Variants in TRERF1 observed in about 807,000 individuals in gnomAD.
TRERF1 encodes the protein transcriptional regulating factor 1, also known as transcriptional-regulating factor 1.
In TRERF1, 27 loss-of-function variants were observed where a neutral mutation model predicts 122.9. The observed-to-expected ratio is 0.22, with a 90% CI of 0.16 to 0.30. The LOEUF (loss-of-function observed/expected upper bound fraction) is 0.30, where lower values mean the gene tolerates loss of function less well. Among genes scored for constraint, TRERF1 ranks in the 10% least tolerant of loss-of-function variants. The pLI, the probability that TRERF1 is intolerant of heterozygous loss-of-function variation, is 1.00. For missense variants in TRERF1, 1,248 were observed against 1,560.3 expected (o/e 0.80, Z 3.37); for synonymous variants, 636 against 641.7 (o/e 0.99, Z 0.13).
rs754935786 is a variant in TRERF1, at chr6:42,264,836, C to G, written c.1503G>C (p.Ala501=). The stretch of plus-strand genomic sequence containing the variant: ...TCTTGGCATCAAACTGCTCCCCAAA[C>G]GCTCCTTTGGGTTGGCCACTGCTCA... Residue 501 remains alanine, a synonymous_variant, in exon 7 of 18, where the codon GCG becomes GCC. Coordinates refer to ENST00000372922, the Ensembl canonical transcript of TRERF1. 3.1e-6 allele frequency: 5 copies of G among 1,614,172 alleles called. No homozygotes were observed. In the East Asian group the frequency reaches 1.1e-4, roughly 36 times the overall value.
At chr6:42,380,659 G>T (rs186973802) in intron 2 of TRERF1, among the ~76,000 whole-genome samples, 2 of 152,120 alleles carry the variant, frequency 1.3e-5, no homozygotes, top group African/African-American at 2.4e-5. Flanking sequence ...ATTCCCCACC[G>T]CCTGCCCCAC....
At chr6:42,408,210 A>AATAAATATATATATAT (rs151035028) in intron 2 of TRERF1, among the ~76,000 whole-genome samples, 4 of 107,136 alleles carry the variant, frequency 3.7e-5, no homozygotes, top group Non-Finnish European at 1.8e-5. Flanking sequence ...TATATAAATA[A>AATAAATATATATATAT]ATATATATAT....
At chr6:42,292,494 T>C (rs1293315804) in intron 4 of TRERF1, among the ~76,000 whole-genome samples, 1 of 152,218 alleles carries the variant, frequency 6.6e-6, no homozygotes, top group African/African-American at 2.4e-5. Context: ...TCAGTAGAAT[T>C]GTTCACTGAC....
In TRERF1 at chr6:42,425,583, G is replaced by A. The variant is rs150041576; in HGVS notation, c.-454+25594C>T. Among the ~76,000 whole-genome samples, 524 of 107,826 alleles carry A rather than the reference G, an allele frequency of 4.9e-3. 2 individuals carry two copies. Among genetic ancestry groups the A allele is most frequent in the African/African-American group, 0.016 (448 of 27,736 alleles). The allele number at this position is 107,826 out of a possible 152,430, so 70.7% of individuals were successfully genotyped here. ...TTTTGAGATGGAGTCTCGCACTGTC[G>A]TCAGGGCTGGAATGCAATGGTGCGA... On this transcript the variant is annotated intron_variant, in intron 2 of 17. Coordinates refer to ENST00000372922, the Ensembl canonical transcript of TRERF1.
At chr6:42,364,741 C>A (rs1242935011) in intron 2 of TRERF1, among the ~76,000 whole-genome samples, 4 of 152,206 alleles carry the variant, frequency 2.6e-5, no homozygotes, top group Non-Finnish European at 5.9e-5. Context: ...CAGGCATAAG[C>A]CCCCACCAGT....
chr6:42,298,004 TGA>T (rs1414291101), intron 4 of TRERF1, among the ~76,000 whole-genome samples: 12 of 151,720 alleles, frequency 7.9e-5, no homozygotes, highest in Admixed American at 7.2e-4. Context: ...GAGCAAGAAA[TGA>T]GAGACCAGAA....
At position 42,259,098 on chromosome 6, in the gene TRERF1, G is replaced by C. The variant is rs1777308086; in HGVS notation, c.2269+241C>G. On this transcript the variant is annotated intron_variant, in intron 9 of 17. Coordinates refer to ENST00000372922, the Ensembl canonical transcript of TRERF1. This position sits in a 1 kb window ranked among gnomAD's most constrained non-coding sequence, Gnocchi z 4.9. ...TAAAAAGTGGGTGAACATTTCAACT[G>C]TTTCCTTATCCCAGAGACTGTAGTG... Among the ~76,000 whole-genome samples, 1 of 152,090 alleles carries C rather than the reference G, an allele frequency of 6.6e-6. No individual in the cohort carries two copies. Among genetic ancestry groups the C allele is most frequent in the African/African-American group, 2.4e-5 (1 of 41,400 alleles).
At chr6:42,354,581 T>G (rs1192227857) in intron 3 of TRERF1, among the ~76,000 whole-genome samples, 2 of 152,180 alleles carry the variant, frequency 1.3e-5, no homozygotes, top group Non-Finnish European at 2.9e-5. Context: ...CCCAAATTGT[T>G]AATGAGGCAT....
chr6:42,241,934 A>C (rs1773813694), intron 15 of TRERF1, among the ~76,000 whole-genome samples: 1 of 152,208 alleles, frequency 6.6e-6, no homozygotes, highest in Non-Finnish European at 1.5e-5. Flanking sequence ...GTCTCTACAA[A>C]AAATTAAAAT....
rs1017518533 is a variant in TRERF1, at chr6:42,290,209, C to T, written c.-259+10429G>A. Among the ~76,000 whole-genome samples, 7 of 152,222 alleles carry T rather than the reference C, an allele frequency of 4.6e-5. No homozygotes were observed. In the East Asian group the frequency reaches 1.3e-3, roughly 29 times the overall value. ...CACCGCTTCAAACTGTTTCTTTTGT[C>T]TCCTCCATCAAACTAGGACTGCTTC... On this transcript the variant is annotated intron_variant, in intron 4 of 17. Coordinates refer to ENST00000372922, the Ensembl canonical transcript of TRERF1.
chr6:42,362,558 G>A (rs955524075), intron 3 of TRERF1, among the ~76,000 whole-genome samples: 33 of 152,336 alleles, frequency 2.2e-4, no homozygotes, highest in African/African-American at 6.5e-4. Flanking sequence ...GGATCATGAG[G>A]CCAGACCTGA....
chr6:42,382,493 A>G (rs1372548704), intron 2 of TRERF1, among the ~76,000 whole-genome samples: 1 of 151,198 alleles, frequency 6.6e-6, no homozygotes, highest in African/African-American at 2.4e-5. Context: ...ACCTCTCACA[A>G]TCTGAAAAGT....
chr6:42,254,148 A>T lies in TRERF1; in HGVS notation c.2656+703T>A, dbSNP rs144493750. ...TCTTCTACTTCCCTCTTATTGTGGTATTGTCATTAATTCACATACAAAACC... is the reference window on the plus strand; with the variant it reads ...TCTTCTACTTCCCTCTTATTGTGGTTTTGTCATTAATTCACATACAAAACC... On this transcript the variant is annotated intron_variant, in intron 13 of 17. Transcript: ENST00000372922. Among the ~76,000 whole-genome samples, 803 of 152,226 alleles carry T rather than the reference A, an allele frequency of 5.3e-3. 9 individuals are homozygous for T. The highest frequency in any genetic ancestry group is 0.019 in the African/African-American group (771 of 41,530).
chr6:42,403,772 G>A (rs1779758240), intron 2 of TRERF1, among the ~76,000 whole-genome samples: 1 of 152,162 alleles, frequency 6.6e-6, no homozygotes, highest in Admixed American at 6.5e-5. Flanking sequence ...ACATTCCAGA[G>A]CGCATTTTGT....
chr6:42,385,027 G>A (rs780677843), intron 2 of TRERF1, among the ~76,000 whole-genome samples: 5 of 152,076 alleles, frequency 3.3e-5, no homozygotes, highest in Non-Finnish European at 5.9e-5. Context: ...GCCCAGGCTG[G>A]AGTGCAGTGG....
intron 12 of TRERF1, 76 bp from the exon 13 acceptor site, chr6:42,255,002 G>T: frequency 6.7e-7 from 1 of 1,484,732 alleles, no homozygotes; most frequent in Non-Finnish European, 9.4e-7. Context: ...CTACCCAAAG[G>T]GGAAAAGCGG....
intron 3 of TRERF1, among the ~76,000 whole-genome samples, chr6:42,314,990 T>C (rs558301610): frequency 6.6e-6 from 1 of 152,300 alleles, no homozygotes; most frequent in Non-Finnish European, 1.5e-5. Context: ...GAGACCTAAA[T>C]GAGCAAAGCA....
At chr6:42,442,296 A>C (rs1420385558) in intron 2 of TRERF1, among the ~76,000 whole-genome samples, 1 of 152,086 alleles carries the variant, frequency 6.6e-6, no homozygotes, top group Non-Finnish European at 1.5e-5. Context: ...CAAAGGAGTT[A>C]GATTGGGGGC....
intron 2 of TRERF1, among the ~76,000 whole-genome samples, chr6:42,382,416 T>C (rs1209779650): frequency 2.3e-5 from 3 of 131,886 alleles, no homozygotes; most frequent in South Asian, 2.3e-4. Flanking sequence ...AAAGACGTGA[T>C]TAAAAAAAAA....
Sources: gnomAD v4.1 joint callset for allele counts (sites outside exome capture counted in the v4.1 genomes callset) on GRCh38, gnomAD v4.1.1 for gene constraint, Gnocchi (gnomAD v3.1) non-coding constraint, MANE v1.5 for transcripts, NCBI Gene and HGNC (gene_info 2026-07-23, HGNC 2026-07-21) for gene names.